PLXNA4: variants seen among roughly 807,000 people sequenced by gnomAD.
PLXNA4 encodes plexin-A4.
Under a neutral mutation model 191.8 loss-of-function variants are expected in PLXNA4, and 44 were observed. The ratio of observed to expected loss-of-function variants is 0.23; its 90% CI spans 0.18 to 0.29. The LOEUF (loss-of-function observed/expected upper bound fraction) is 0.29. Ranked by LOEUF, PLXNA4 falls within the 10% of genes least tolerant of loss-of-function variation. The pLI is 1.00. For missense variants in PLXNA4, 1,800 were observed against 2,488.8 expected, an observed-to-expected ratio of 0.72 and a Z score of 5.89; for synonymous variants, 1,082 against 1,009.5, an observed-to-expected ratio of 1.07 and a Z score of -1.36.
chr7:132,633,711 T>G (rs1007360640), intron 2 of PLXNA4, among the ~76,000 whole-genome samples: 3 of 152,180 alleles, frequency 2.0e-5, no homozygotes, highest in South Asian at 2.1e-4. Context: ...TTTTCACGTT[T>G]TTCCCCCAGC....
chr7:132,562,260 T>C (rs1327239895), intron 1 of PLXNA4, among the ~76,000 whole-genome samples: 5 of 92,776 alleles, frequency 5.4e-5, no homozygotes, highest in Non-Finnish European at 1.1e-4. Flanking sequence ...CCTCCTCCTC[T>C]TCTTTCTCTG....
At chr7:132,194,023 G>A (rs760892526) in intron 14 of PLXNA4, 39 bp downstream of exon 14, 3 of 1,593,560 alleles carry the variant, frequency 1.9e-6, no homozygotes, top group Non-Finnish European at 2.6e-6. Context: ...TGAGCTCTGT[G>A]GCCTGCACCC....
At chr7:132,314,341 C>T (rs1801860954) in intron 3 of PLXNA4, among the ~76,000 whole-genome samples, 1 of 152,202 alleles carries the variant, frequency 6.6e-6, no homozygotes, top group South Asian at 2.1e-4. Context: ...TTATTTCCCA[C>T]ACTGACCTAA....
intron 4 of PLXNA4, among the ~76,000 whole-genome samples, chr7:132,276,936 G>A (rs1229336416): frequency 2.0e-5 from 3 of 152,116 alleles, no homozygotes; most frequent in African/African-American, 7.2e-5. Context: ...GGGAGGTGCT[G>A]AGCCCCTAGA....
rs1794856700 is a variant in PLXNA4 at position 132,129,099 on chromosome 7, T to G, written c.*1380A>C. On this transcript the variant is annotated 3_prime_UTR_variant, in exon 32 of 32. Transcript: ENST00000321063. ...GATGGATGCCAAGGCCAAGGTCATTTGTATGTCCCTCTTCTTAATTCCAGC... is the reference window on the plus strand; with the variant it reads ...GATGGATGCCAAGGCCAAGGTCATTGGTATGTCCCTCTTCTTAATTCCAGC... The G allele has an allele frequency of 6.6e-6, 1 of 152,246 alleles. No individual in the cohort carries two copies. The highest frequency in any genetic ancestry group is 1.5e-5 in the Non-Finnish European group (1 of 68,052). The allele number at this position is 152,246 out of a possible 1,614,324, so 9.4% of individuals were successfully genotyped here.
intron 4 of PLXNA4, among the ~76,000 whole-genome samples, chr7:132,279,479 C>CA (rs922449404): frequency 3.3e-5 from 5 of 151,864 alleles, no homozygotes; most frequent in African/African-American, 1.2e-4. Context: ...AAATTTAAAA[C>CA]AAAAAATAGC....
At chr7:132,501,963 T>G (rs1345144563) in intron 2 of PLXNA4, among the ~76,000 whole-genome samples, 1 of 152,166 alleles carries the variant, frequency 6.6e-6, no homozygotes, top group Admixed American at 6.5e-5. Context: ...GTTCCAGGTC[T>G]AGAGAGGACA....
intron 2 of PLXNA4, among the ~76,000 whole-genome samples, chr7:132,621,039 C>A (rs1803250326): frequency 6.6e-6 from 1 of 152,032 alleles, no homozygotes; most frequent in Admixed American, 6.6e-5. Context: ...CATGAGGGCT[C>A]CACTCTCATG....
intron 22 of PLXNA4, among the ~76,000 whole-genome samples, chr7:132,166,067 C>G (rs1420979423): frequency 6.6e-6 from 1 of 151,960 alleles, no homozygotes; most frequent in Admixed American, 6.6e-5. Context: ...CGTGGTGGCA[C>G]GTGCCTGTAA....
intron 3 of PLXNA4, among the ~76,000 whole-genome samples, chr7:132,435,222 CG>C (rs997545752): frequency 9.9e-5 from 15 of 151,966 alleles, no homozygotes; most frequent in African/African-American, 3.6e-4. Flanking sequence ...GTGTCAGCTG[CG>C]GGTCCACAAA....
intron 3 of PLXNA4, among the ~76,000 whole-genome samples, chr7:132,319,445 A>G (rs1802080813): frequency 1.3e-5 from 2 of 151,868 alleles, no homozygotes; most frequent in South Asian, 4.2e-4. Context: ...GTAAATTATA[A>G]TTCTCTCCAC....
chr7:132,472,079 C>T (rs1015704976), intron 3 of PLXNA4, among the ~76,000 whole-genome samples: 4 of 152,172 alleles, frequency 2.6e-5, no homozygotes, highest in Non-Finnish European at 5.9e-5. Context: ...TGCTTGTAAC[C>T]ACGCTCCATT....
intron 19 of PLXNA4, among the ~76,000 whole-genome samples, chr7:132,180,346 A>G (rs139273933): frequency 5.3e-4 from 81 of 152,342 alleles, no homozygotes; most frequent in Non-Finnish European, 1.1e-3. Context: ...CAGGTGATTT[A>G]GCAACTATTT....
At chr7:132,360,899 C>T (rs748206522) in intron 3 of PLXNA4, among the ~76,000 whole-genome samples, 1 of 152,200 alleles carries the variant, frequency 6.6e-6, no homozygotes, top group Non-Finnish European at 1.5e-5. Context: ...CTGCTGAATG[C>T]ACATTTTATC....
intron 1 of PLXNA4, among the ~76,000 whole-genome samples, chr7:132,574,772 GA>G (rs1361366151): frequency 6.6e-6 from 1 of 152,284 alleles, no homozygotes; most frequent in East Asian, 1.9e-4. Flanking sequence ...TGCAGGAGCT[GA>G]AAAAAGTTTG....
At chr7:132,428,090 G>T (rs560722991) in intron 3 of PLXNA4, among the ~76,000 whole-genome samples, 3 of 152,186 alleles carry the variant, frequency 2.0e-5, no homozygotes, top group African/African-American at 7.2e-5. Context: ...AAGCCTCCAG[G>T]TGACATGGGA....
chr7:132,480,466 C>G (rs1221960604), intron 3 of PLXNA4, among the ~76,000 whole-genome samples: 1 of 152,164 alleles, frequency 6.6e-6, no homozygotes, highest in African/African-American at 2.4e-5. Context: ...AGACAGGGAC[C>G]GTGGATAACC....
chr7:132,238,126 A>G (rs138684356), intron 5 of PLXNA4, among the ~76,000 whole-genome samples: 221 of 152,328 alleles, frequency 1.5e-3, no homozygotes, highest in African/African-American at 5.0e-3. Flanking sequence ...TGGAGAAAAT[A>G]GCTGTGTTGG....
chr7:132,617,013 C>T (rs1263474316), intron 2 of PLXNA4, among the ~76,000 whole-genome samples: 1 of 152,204 alleles, frequency 6.6e-6, no homozygotes, highest in Non-Finnish European at 1.5e-5. Context: ...ACCCTGAAGC[C>T]TCATGTTGGA....
Sources: allele counts gnomAD v4.1 joint callset (sites outside exome capture counted in the v4.1 genomes callset), GRCh38; gene constraint gnomAD v4.1.1; transcripts MANE v1.5; gene names NCBI Gene and HGNC (gene_info 2026-07-23, HGNC 2026-07-21).